Variants in RANBP2 observed in about 807,000 individuals in gnomAD.
RANBP2 encodes RAN binding protein 2, also known as E3 SUMO-protein ligase RanBP2.
A neutral mutation model predicts 303.6 loss-of-function variants in RANBP2; 57 were observed. The ratio of observed to expected loss-of-function variants is 0.19; its 90% CI spans 0.15 to 0.23. The LOEUF (loss-of-function observed/expected upper bound fraction) is 0.23. Ranked by LOEUF, RANBP2 falls within the 10% of genes least tolerant of loss-of-function variation. The pLI, the probability that RANBP2 is intolerant of heterozygous loss-of-function variation, is 1.00. For synonymous variants in RANBP2, 1,167 were observed against 1,301.5 expected (o/e 0.90, Z 2.23); for missense variants, 3,138 against 3,780.8 (o/e 0.83, Z 4.46).
At chr2:109,591,614 T>C in the RANBP2 span, among the ~76,000 whole-genome samples, 2 of 152,208 alleles carry the variant, frequency 1.3e-5, no homozygotes, top group African/African-American at 4.8e-5. Context: ...ACTGAATTAC[T>C]GGCCAGGTGT....
At chr2:109,408,997 G>A in the RANBP2 span, among the ~76,000 whole-genome samples, 1 of 152,204 alleles carries the variant, frequency 6.6e-6, no homozygotes, top group African/African-American at 2.4e-5. Flanking sequence ...TCTTAGCTGA[G>A]GCTTGGGAAG....
At chr2:109,417,986 G>T in the RANBP2 span, among the ~76,000 whole-genome samples, 2 of 152,086 alleles carry the variant, frequency 1.3e-5, no homozygotes, top group Non-Finnish European at 2.9e-5. Context: ...CCTACCTGGG[G>T]CAACTTCCAG....
intron 11 of RANBP2, 68 bp from the exon 12 acceptor site, chr2:108,751,803 C>T: frequency 4.3e-6 from 7 of 1,611,902 alleles, no homozygotes; most frequent in Non-Finnish European, 5.9e-6. Context: ...GACCCATTAA[C>T]ATATATGTAT....
the RANBP2 span, among the ~76,000 whole-genome samples, chr2:109,647,309 G>A: frequency 7.2e-5 from 11 of 151,926 alleles, no homozygotes; most frequent in Admixed American, 3.9e-4. Context: ...GACTACAGGC[G>A]TGTGCCACCA....
chr2:109,333,867 TG>T, the RANBP2 span, among the ~76,000 whole-genome samples: 1 of 152,184 alleles, frequency 6.6e-6, no homozygotes. Flanking sequence ...ATAATTATGA[TG>T]ATATAATAAT....
chr2:109,318,278 C>G, the RANBP2 span, among the ~76,000 whole-genome samples: 6 of 152,044 alleles, frequency 3.9e-5, no homozygotes. Flanking sequence ...TGTTCGGGAG[C>G]ATTTCCATGC....
At chr2:108,838,954 TC>T in the RANBP2 span, among the ~76,000 whole-genome samples, 1 of 152,168 alleles carries the variant, frequency 6.6e-6, no homozygotes, top group Non-Finnish European at 1.5e-5. Flanking sequence ...TAGGTTAATC[TC>T]CTTAAACTAG....
At chr2:108,746,208 CTTTTT>C (rs35544546) in intron 7 of RANBP2, among the ~76,000 whole-genome samples, 2 of 90,560 alleles carry the variant, frequency 2.2e-5, no homozygotes, top group Non-Finnish European at 4.1e-5. Flanking sequence ...ATGTCTGGCC[CTTTTT>C]TTTTTTTTTT....
the RANBP2 span, among the ~76,000 whole-genome samples, chr2:109,581,884 T>G: frequency 2.0e-5 from 3 of 152,272 alleles, no homozygotes; most frequent in East Asian, 5.8e-4. Flanking sequence ...AAAGTCAAAT[T>G]ATCTCTCTGC....
At chr2:109,228,755 G>C in the RANBP2 span, among the ~76,000 whole-genome samples, 1 of 152,108 alleles carries the variant, frequency 6.6e-6, no homozygotes, top group East Asian at 1.9e-4. Context: ...CTGAGCACAG[G>C]GGCTTCCGTC....
At chr2:109,025,810 A>G in the RANBP2 span, among the ~76,000 whole-genome samples, 2 of 149,954 alleles carry the variant, frequency 1.3e-5, no homozygotes, top group Admixed American at 1.4e-4. Flanking sequence ...AAAAAAAAAA[A>G]AAAGAAAAAA....
intron 18 of RANBP2, among the ~76,000 whole-genome samples, chr2:108,760,632 T>C (rs944025526): frequency 2.0e-5 from 3 of 152,162 alleles, no homozygotes; most frequent in Non-Finnish European, 4.4e-5. Flanking sequence ...AAAAGTGATA[T>C]CAATTTTTAA....
the RANBP2 span, among the ~76,000 whole-genome samples, chr2:109,279,936 G>A: frequency 1.3e-5 from 2 of 152,004 alleles, no homozygotes; most frequent in South Asian, 2.1e-4. Flanking sequence ...GCGGTAAGAG[G>A]TGGAGGGTGA....
the RANBP2 span, among the ~76,000 whole-genome samples, chr2:109,680,679 C>T: frequency 3.0e-3 from 457 of 152,318 alleles, 1 homozygote; most frequent in South Asian, 0.017. Flanking sequence ...TTTCCTCGTG[C>T]TCACTTTCTC....
In RANBP2 at chr2:108,722,759, G is replaced by GCAGC. The variant is rs1266183832; in HGVS notation, c.72+3082_72+3085dup. On this transcript the variant is annotated intron_variant, in intron 1 of 28. Transcript: ENST00000283195. ...ATACAAAAATGAGCCGGGCGTGGTGGCAGCGCCTGTAGTCCCACCTACTCG... is the reference window on the plus strand; with the variant it reads ...ATACAAAAATGAGCCGGGCGTGGTGGCAGCCAGCGCCTGTAGTCCCACCTACTCG... Among the ~76,000 whole-genome samples, 4 of 151,136 alleles carry GCAGC rather than the reference G, an allele frequency of 2.6e-5. No homozygotes were observed. The East Asian group carries it at 7.7e-4, about 29-fold the overall frequency.
chr2:109,766,182 G>A, the RANBP2 span, among the ~76,000 whole-genome samples: 2 of 151,114 alleles, frequency 1.3e-5, no homozygotes, highest in African/African-American at 4.8e-5. Context: ...GAGGGGCCTC[G>A]GCAGGTACGA....
chr2:109,341,200 A>T, the RANBP2 span, among the ~76,000 whole-genome samples: 1 of 152,254 alleles, frequency 6.6e-6, no homozygotes, highest in Non-Finnish European at 1.5e-5. Flanking sequence ...GCAGCTTTGA[A>T]TGAGAAAAAG....
chr2:108,927,263 G>A, the RANBP2 span, among the ~76,000 whole-genome samples: 2 of 152,180 alleles, frequency 1.3e-5, no homozygotes, highest in Admixed American at 6.5e-5. Flanking sequence ...TGAGAGTGGT[G>A]TGGACTGAGC....
chr2:109,633,395 AAAAC>A, the RANBP2 span, among the ~76,000 whole-genome samples: 1 of 81,504 alleles, frequency 1.2e-5, no homozygotes. Context: ...TCCATCTCAA[AAAAC>A]AAAACAAAAC....
Sources: gnomAD v4.1 joint callset for allele counts (sites outside exome capture counted in the v4.1 genomes callset) on GRCh38, gnomAD v4.1.1 for gene constraint, MANE v1.5 for transcripts, NCBI Gene and HGNC (gene_info 2026-07-23, HGNC 2026-07-21) for gene names.